Variants in GGA3 observed in about 807,000 individuals in gnomAD.
GGA3 encodes ADP-ribosylation factor-binding protein GGA3.
In GGA3, 57 loss-of-function variants were observed where a neutral mutation model predicts 77.5. The observed-to-expected ratio is 0.74, with a 90% CI of 0.59 to 0.92. GGA3 has a LOEUF of 0.92. GGA3 is among the 40% of genes least tolerant of loss of function. The probability of loss-of-function intolerance (pLI) is 0.00; values close to 1 mark genes in which losing one functional copy is unlikely to be tolerated. For synonymous variants in GGA3, 416 were observed against 383.7 expected (o/e 1.08, Z -0.98); for missense variants, 970 against 914.9 (o/e 1.06, Z -0.78).
chr17:75,260,618 A>C (rs2077324947), intron 1 of GGA3, among the ~76,000 whole-genome samples: 1 of 152,236 alleles, frequency 6.6e-6, no homozygotes, highest in South Asian at 2.1e-4. Context: ...GCAGTACTAA[A>C]TAAGAGACCT....
In GGA3 at chr17:75,238,935, C is replaced by T. The variant is rs1456467651; in HGVS notation, c.1929G>A (p.Val643=). The change falls in exon 15 of 17, where the codon GTG becomes GTA. Residue 643 remains valine (V), a synonymous_variant. Transcript: ENST00000537686. ...GTACCTTGGGCACTGCAGCCTGCAG[C>T]ACGATGCTCTTGACAGGTAAGGGAG... The part of the protein sequence containing the change: ...NTAPLPVKSI[V]LQAAVPKSMK... The T allele has an allele frequency of 1.2e-6, 2 of 1,613,922 alleles. No individual in the cohort carries two copies. The highest frequency in any genetic ancestry group is 3.3e-5 in the Admixed American group (2 of 59,984).
At chr17:75,250,911 A>T (rs2076943277) in intron 1 of GGA3, among the ~76,000 whole-genome samples, 1 of 151,850 alleles carries the variant, frequency 6.6e-6, no homozygotes, top group African/African-American at 2.4e-5. Flanking sequence ...GTGAAACCCC[A>T]TCTCTACTAA....
chr17:75,250,400 T>C (rs968328641), intron 1 of GGA3, among the ~76,000 whole-genome samples: 1 of 152,224 alleles, frequency 6.6e-6, no homozygotes, highest in Non-Finnish European at 1.5e-5. Context: ...TAAAACGTCA[T>C]GTGGGGATGG....
At position 75,237,376 on chromosome 17, in the gene GGA3, TGA is replaced by T; in HGVS notation, c.*901_*902del. The T allele has an allele frequency of 9.8e-7, 1 of 1,018,768 alleles. No individual in the cohort carries two copies. Among genetic ancestry groups the T allele is most frequent in the Non-Finnish European group, 1.5e-6 (1 of 675,594 alleles). The allele number at this position is 1,018,768 out of a possible 1,614,324, so 63.1% of individuals were successfully genotyped here. On this transcript the variant is annotated 3_prime_UTR_variant, in exon 17 of 17. Transcript: ENST00000537686. ...AGGTGCCACACCACATGCCATCTGG[TGA>T]GAGGAGAGGGAGGCCAAAGCAGTAG... is the stretch of plus-strand genomic sequence containing the variant.
rs893599684 is a variant in GGA3, at chr17:75,246,434, C to T, written c.201+75G>A. On this transcript the variant is annotated intron_variant, in intron 3 of 16. Coordinates refer to ENST00000537686, the MANE Select transcript of GGA3 (RefSeq NM_138619.4). ...GGCTTTTGGCAGGAGCCCTAAGAAC[C>T]GCTATGGGGACACGAGGAATGGCGT... The T allele has an allele frequency of 1.4e-5, 14 of 970,020 alleles. No homozygotes were observed. The Admixed American group carries it at 1.6e-4, about 11-fold the overall frequency. The allele number at this position is 970,020 out of a possible 1,614,324, so 60.1% of individuals were successfully genotyped here. A position where few individuals can be genotyped will look rare whatever the true frequency, so the allele number is the denominator to read the frequency against.
chr17:75,253,673 C>A (rs547215591), intron 1 of GGA3, among the ~76,000 whole-genome samples: 1 of 152,340 alleles, frequency 6.6e-6, no homozygotes, highest in African/African-American at 2.4e-5. Context: ...TTTCCGCACC[C>A]CGACCTCTTA....
At chr17:75,257,283 C>CG (rs1555591625) in intron 1 of GGA3, among the ~76,000 whole-genome samples, 8 of 66,378 alleles carry the variant, frequency 1.2e-4, no homozygotes, top group Non-Finnish European at 4.2e-4. Flanking sequence ...ACTGTGCCCC[C>CG]CCCCCCAAAA....
chr17:75,239,005 C>T lies in GGA3; in HGVS notation c.1859G>A (p.Gly620Glu), dbSNP rs145442317. 4 of 1,613,934 alleles carry T rather than the reference C, an allele frequency of 2.5e-6. No individual in the cohort carries two copies. The African/African-American group carries it at 4.0e-5, about 16-fold the overall frequency. Residue 620 changes from glycine to glutamate, a missense_variant, in exon 15 of 17, where the codon GGA becomes GAA. By Grantham distance (98) the Gly-to-Glu change is moderately conservative. Coordinates refer to ENST00000537686, the MANE Select transcript of GGA3 (RefSeq NM_138619.4). Reference sequence around the variant, plus strand: ...CACCACCACCAGCACGTCAGGTCGTCCTGGGGGACACTCCTTGGCAAAGTG... The same window carrying T: ...CACCACCACCAGCACGTCAGGTCGTTCTGGGGGACACTCCTTGGCAAAGTG... Reference protein sequence around the residue: ...LFHFAKECPPGRPDVLVVVVS... With the variant: ...LFHFAKECPPERPDVLVVVVS...
chr17:75,242,401 G>A lies in GGA3; in HGVS notation c.682C>T (p.Leu228Phe), dbSNP rs1226460050. The change falls in exon 8 of 17, where the codon CTC (leucine) becomes TTC (phenylalanine). Residue 228 changes from leucine to phenylalanine, a missense_variant. Leu to Phe is a conservative substitution (Grantham distance 22). Transcript: ENST00000537686. ...CTGTAATGAAGCAGCATCTCACTGA[G>A]CAGTCTCACGTTGTTGTTAACTTCC... ...LEEVNNNVRL[L>F]SEMLLHYSQE... 2 of 1,614,024 alleles carry A rather than the reference G, an allele frequency of 1.2e-6. No individual in the cohort carries two copies. Among genetic ancestry groups the A allele is most frequent in the East Asian group, 2.2e-5 (1 of 44,898 alleles).
chr17:75,242,260 T>C (rs2076584082), intron 8 of GGA3, 76 bp downstream of exon 8: 1 of 1,487,306 alleles, frequency 6.7e-7, no homozygotes, highest in Non-Finnish European at 9.4e-7. Flanking sequence ...ACAAGGCACG[T>C]GCTCAGCAAA....
At chr17:75,259,289 A>C (rs979628837) in intron 1 of GGA3, among the ~76,000 whole-genome samples, 3 of 152,096 alleles carry the variant, frequency 2.0e-5, no homozygotes, top group African/African-American at 4.8e-5. Context: ...AAATCTTCTT[A>C]AACTTCCTAA....
intron 14 of GGA3, 52 bp from the exon 15 acceptor site, chr17:75,239,135 A>G (rs749627454): frequency 6.5e-7 from 1 of 1,546,192 alleles, no homozygotes; most frequent in Non-Finnish European, 8.8e-7. Flanking sequence ...GACACCCAAC[A>G]GAGCCCCGGC....
upstream of GGA3, chr17:75,262,314 G>A (rs748036390): frequency 5.4e-6 from 4 of 735,962 alleles, no homozygotes; most frequent in African/African-American, 5.3e-5. Context: ...GACTTTACCC[G>A]CCTGCTTGGG....
rs1380079152 is a variant in GGA3, at chr17:75,246,810, A to G, written c.41-14T>C. On this transcript the variant is annotated splice_polypyrimidine_tract_variant and intron_variant, in intron 1 of 16. Transcript: ENST00000537686. ...TGGTGGCTTTATCTTGCAACACAAC[A>G]AAGAAGAGGACAAGTGTTAGGAAGA... 1 of 1,601,610 alleles carries G rather than the reference A, an allele frequency of 6.2e-7. No homozygotes were observed.
chr17:75,253,811 A>G (rs1281422815), intron 1 of GGA3, among the ~76,000 whole-genome samples: 2 of 151,684 alleles, frequency 1.3e-5, no homozygotes, highest in African/African-American at 4.9e-5. Flanking sequence ...CTCCTTTACT[A>G]TGGGCAACCT....
intron 1 of GGA3, among the ~76,000 whole-genome samples, chr17:75,249,325 G>A (rs2076880494): frequency 6.6e-6 from 1 of 152,186 alleles, no homozygotes; most frequent in Non-Finnish European, 1.5e-5. Flanking sequence ...TTACAGGCGG[G>A]AGCCACCGCA....
At position 75,238,921 on chromosome 17, in the gene GGA3, A is replaced by T; in HGVS notation, c.1943T>A (p.Val648Glu). Residue 648 changes from valine (V) to glutamate (E), a missense_variant, in exon 15 of 17, where the codon GTG (valine) becomes GAG (glutamate). By Grantham distance (121) the Val-to-Glu change is moderately radical. Coordinates refer to ENST00000537686, the MANE Select transcript of GGA3 (RefSeq NM_138619.4). ...PVKSIVLQAAVPKSMKVKLQP... is the reference protein window; with the variant it reads ...PVKSIVLQAAEPKSMKVKLQP... The stretch of plus-strand genomic sequence containing the variant: ...CCAGGGAGACACTGGTACCTTGGGC[A>T]CTGCAGCCTGCAGCACGATGCTCTT... 6.2e-7 allele frequency: 1 copy of T among 1,613,930 alleles called. No individual in the cohort carries two copies. Among genetic ancestry groups the T allele is most frequent in the Non-Finnish European group, 8.5e-7 (1 of 1,179,914 alleles).
chr17:75,248,832 A>AC, intron 1 of GGA3: 4 of 977,680 alleles, frequency 4.1e-6, no homozygotes, highest in Non-Finnish European at 3.6e-6. Context: ...AAAAAAAAAA[A>AC]AACTCACCAG....
rs1233343856 is a variant in GGA3, at chr17:75,240,425, A to C, written c.1193-13T>G. The C allele has an allele frequency of 6.4e-7, 1 of 1,566,246 alleles. No homozygotes were observed. The highest frequency in any genetic ancestry group is 1.2e-5 in the South Asian group (1 of 86,544). ...GGGTCGGCGAGGCCTGACAATAGAG[A>C]AGAAAACAGGATGAGAAGAGGCTCT... On this transcript the variant is annotated splice_polypyrimidine_tract_variant and intron_variant, in intron 11 of 16. Transcript: ENST00000537686.
Sources: gnomAD v4.1 joint callset for allele counts (sites outside exome capture counted in the v4.1 genomes callset) on GRCh38, gnomAD v4.1.1 for gene constraint, MANE v1.5 for transcripts, NCBI Gene and HGNC (gene_info 2026-07-23, HGNC 2026-07-21) for gene names.